The following IGF2BP1 variants were observed in gnomAD, a reference collection of about 807,000 sequenced individuals.
IGF2BP1 encodes the protein insulin-like growth factor 2 mRNA-binding protein 1.
Under a neutral mutation model 74.9 loss-of-function variants are expected in IGF2BP1, and 11 were observed. That is an observed-to-expected ratio of 0.15 (90% CI 0.09 to 0.24). IGF2BP1 has a LOEUF of 0.24. Among genes scored for constraint, IGF2BP1 ranks in the 10% least tolerant of loss-of-function variants. IGF2BP1 has a pLI of 1.00. For synonymous variants in IGF2BP1, 287 were observed against 281.8 expected (o/e 1.02, Z -0.18); for missense variants, 440 against 757.4 (o/e 0.58, Z 4.92).
At chr17:49,019,904 T>TTGTA (rs1202634132) in intron 2 of IGF2BP1, among the ~76,000 whole-genome samples, 6 of 43,910 alleles carry the variant, frequency 1.4e-4, no homozygotes, top group African/African-American at 5.0e-4. Flanking sequence ...CCTGGCTAAT[T>TTGTA]TATATATATA....
chr17:49,048,104 C>G (rs1382274153), intron 14 of IGF2BP1, among the ~76,000 whole-genome samples: 1 of 152,098 alleles, frequency 6.6e-6, no homozygotes, highest in East Asian at 1.9e-4. Flanking sequence ...TCCCATTTTG[C>G]AGTTTATTTC....
intron 2 of IGF2BP1, among the ~76,000 whole-genome samples, chr17:49,009,738 CA>C (rs2041593566): frequency 6.6e-6 from 1 of 150,746 alleles, no homozygotes. Flanking sequence ...GTAAAATATG[CA>C]AAAAGCTAAA....
chr17:48,998,270 G>T (rs949236548), intron 1 of IGF2BP1, among the ~76,000 whole-genome samples: 1 of 152,020 alleles, frequency 6.6e-6, no homozygotes, highest in Non-Finnish European at 1.5e-5. Flanking sequence ...TTATTTCCAC[G>T]CCCAGCCCCT....
chr17:49,007,748 T>C (rs2041567027), intron 2 of IGF2BP1, among the ~76,000 whole-genome samples: 1 of 152,206 alleles, frequency 6.6e-6, no homozygotes, highest in Non-Finnish European at 1.5e-5. Flanking sequence ...AGTAAACTTG[T>C]TGAGGATGTC....
At chr17:49,049,243 T>TG in intron 14 of IGF2BP1, 109 bp from the exon 15 acceptor site, 1 of 809,766 alleles carries the variant, frequency 1.2e-6, no homozygotes, top group South Asian at 1.6e-5. Flanking sequence ...CTGAGTCCTG[T>TG]GTGACCTGTT....
At chr17:49,038,103 C>T in intron 5 of IGF2BP1, 65 bp from the exon 6 acceptor site, 1 of 1,366,056 alleles carries the variant, frequency 7.3e-7, no homozygotes, top group Non-Finnish European at 9.6e-7. Flanking sequence ...GTGCTTTGGC[C>T]AAGAGAGCAT....
chr17:49,017,511 CA>C (rs1157972421), intron 2 of IGF2BP1, among the ~76,000 whole-genome samples: 3 of 151,988 alleles, frequency 2.0e-5, no homozygotes, highest in African/African-American at 4.8e-5. Context: ...TCTCAACATG[CA>C]ATCAATATAA....
intron 2 of IGF2BP1, among the ~76,000 whole-genome samples, chr17:49,008,062 C>T (rs1009646496): frequency 1.3e-5 from 2 of 151,762 alleles, no homozygotes; most frequent in Non-Finnish European, 2.9e-5. Context: ...ATCCCAGCTA[C>T]TTGGGAGGCT....
intron 2 of IGF2BP1, among the ~76,000 whole-genome samples, chr17:49,015,269 G>A (rs955332289): frequency 6.6e-6 from 1 of 152,140 alleles, no homozygotes; most frequent in African/African-American, 2.4e-5. Flanking sequence ...CACTTTGCCC[G>A]GCCGTGACCG....
rs1224884503 is a variant in IGF2BP1 at position 49,027,732 on chromosome 17, A to T, written c.337+1215A>T. On this transcript the variant is annotated intron_variant, in intron 4 of 14. Transcript: ENST00000290341. ...CCGGGCGTGGTGGCGGGCACCTGTA[A>T]TCCCAGCTACTTGGGAGGCTGAGGC... 2.0e-4 allele frequency among the ~76,000 whole-genome samples: 31 copies of T among 151,608 alleles called. 1 individual carries two copies.
chr17:48,998,147 G>A (rs1199785631), intron 1 of IGF2BP1, among the ~76,000 whole-genome samples: 1 of 151,938 alleles, frequency 6.6e-6, no homozygotes, highest in East Asian at 1.9e-4. Context: ...CCCAGCCTGA[G>A]ATAAGGAGCT....
chr17:49,006,705 T>C (rs1192875669), intron 2 of IGF2BP1, among the ~76,000 whole-genome samples: 1 of 152,196 alleles, frequency 6.6e-6, no homozygotes, highest in East Asian at 1.9e-4. Context: ...TCTAAGGCAC[T>C]AGGAACAGTG....
chr17:49,004,142 C>T (rs978107764), intron 2 of IGF2BP1, among the ~76,000 whole-genome samples: 2 of 152,226 alleles, frequency 1.3e-5, no homozygotes, highest in African/African-American at 4.8e-5. Context: ...TCTTAACAAG[C>T]CCCTGACAGA....
chr17:49,005,847 AG>A (rs2041545863), intron 2 of IGF2BP1, among the ~76,000 whole-genome samples: 8 of 152,128 alleles, frequency 5.3e-5, no homozygotes, highest in Admixed American at 5.2e-4. Flanking sequence ...AGATTACATG[AG>A]GCCAGGAGTT....
chr17:49,035,934 C>G (rs1255334466), intron 5 of IGF2BP1, among the ~76,000 whole-genome samples: 1 of 152,220 alleles, frequency 6.6e-6, no homozygotes, highest in Non-Finnish European at 1.5e-5. Context: ...CGGGACTGCA[C>G]TAGGCGGGAG....
intron 4 of IGF2BP1, 120 bp from the exon 5 acceptor site, chr17:49,031,790 A>G (rs2041924018): frequency 3.4e-6 from 3 of 884,310 alleles, no homozygotes; most frequent in Non-Finnish European, 5.5e-6. Flanking sequence ...GTTGTGATCT[A>G]CCGTGTCTGG....
Position 49,049,610 on chromosome 17 carries a change from A to C in IGF2BP1, c.*166A>C. The C allele has an allele frequency of 1.7e-6, 1 of 602,784 alleles. No individual in the cohort carries two copies. The highest frequency in any genetic ancestry group is 2.9e-6 in the Non-Finnish European group (1 of 339,906). The allele number at this position is 602,784 out of a possible 1,614,324, so 37.3% of individuals were successfully genotyped here. A position where few individuals can be genotyped will look rare whatever the true frequency, so the allele number is the denominator to read the frequency against. On this transcript the variant is annotated 3_prime_UTR_variant, in exon 15 of 15. Transcript: ENST00000290341. The stretch of plus-strand genomic sequence containing the variant: ...AAAGATGTTCCAGTGAGGAACCCTG[A>C]TCTCTCAGCCCCAAACACCCACCCA...
At chr17:49,033,808 C>T (rs373119886) in intron 5 of IGF2BP1, among the ~76,000 whole-genome samples, 46 of 151,866 alleles carry the variant, frequency 3.0e-4, no homozygotes, top group African/African-American at 8.7e-4. Flanking sequence ...GTCTTTGCCA[C>T]GGTTAAAAGA....
Position 49,055,864 on chromosome 17 carries a change from T to C in IGF2BP1, c.*6420T>C, listed in dbSNP as rs537571024. ...TTTTTTTTTTTTTTTTTTTTAAATA[T>C]GAGTGCTAGCTTATTCTGTAATTGC... On this transcript the variant is annotated 3_prime_UTR_variant, in exon 15 of 15. Coordinates refer to ENST00000290341, the MANE Select transcript of IGF2BP1 (RefSeq NM_006546.4). Among the ~76,000 whole-genome samples the C allele has an allele frequency of 4.2e-5, 6 of 144,540 alleles. No homozygotes were observed. The highest frequency in any genetic ancestry group is 7.9e-5 in the African/African-American group (3 of 37,992). The allele number at this position is 144,540 out of a possible 152,430, so 94.8% of individuals were successfully genotyped here.
Sources: allele counts gnomAD v4.1 joint callset (sites outside exome capture counted in the v4.1 genomes callset), GRCh38; gene constraint gnomAD v4.1.1; transcripts MANE v1.5; gene names NCBI Gene and HGNC (gene_info 2026-07-23, HGNC 2026-07-21).